The following FN3KRP variants were observed in gnomAD, a reference collection of about 807,000 sequenced individuals.
FN3KRP encodes the protein fructosamine 3 kinase related protein, also known as ketosamine-3-kinase.
FN3KRP carries 33 observed loss-of-function variants against 29.8 expected under a neutral mutation model. The observed-to-expected ratio is 1.11, with a 90% CI of 0.84 to 1.48. The LOEUF is 1.48. Among genes scored for constraint, FN3KRP ranks in the 40% most tolerant of loss-of-function variants. The pLI, the probability that FN3KRP is intolerant of heterozygous loss-of-function variation, is 0.00. For synonymous variants in FN3KRP, 157 were observed against 155.2 expected (o/e 1.01, Z -0.09); for missense variants, 430 against 402.6 (o/e 1.07, Z -0.58).
intron 4 of FN3KRP, among the ~76,000 whole-genome samples, chr17:82,724,256 T>C (rs970218329): frequency 6.6e-6 from 1 of 152,102 alleles, no homozygotes; most frequent in Admixed American, 6.5e-5. Flanking sequence ...ATTGCACCAC[T>C]GCACTCCAGC....
chr17:82,717,501 C>T (rs1413301609), intron 1 of FN3KRP, among the ~76,000 whole-genome samples: 1 of 151,922 alleles, frequency 6.6e-6, no homozygotes, highest in African/African-American at 2.4e-5. Context: ...GGGTGGAGCG[C>T]GAAGTCAGGA....
rs762220708 is a variant in FN3KRP at position 82,716,927 on chromosome 17, C to A, written c.141+31C>A. ...GCAGCGGGTCGGGCGGGCCGGGGGACCGGTTTCTTTCCGGAGAGGGTCGCG... is the reference window on the plus strand; with the variant it reads ...GCAGCGGGTCGGGCGGGCCGGGGGAACGGTTTCTTTCCGGAGAGGGTCGCG... On this transcript the variant is annotated intron_variant, in intron 1 of 5. Coordinates refer to ENST00000269373, the MANE Select transcript of FN3KRP (RefSeq NM_024619.4). 5.1e-6 allele frequency: 8 copies of A among 1,558,728 alleles called. No individual in the cohort carries two copies. In the African/African-American group the frequency reaches 1.1e-4, roughly 22 times the overall value.
chr17:82,719,131 T>C (rs1598332440), intron 2 of FN3KRP, 74 bp downstream of exon 2: 1 of 1,355,812 alleles, frequency 7.4e-7, no homozygotes, highest in East Asian at 2.3e-5. Context: ...TTTTATTATG[T>C]GTGTCTTCAC....
intron 2 of FN3KRP, 99 bp downstream of exon 2, chr17:82,719,156 G>GGCT: frequency 8.5e-7 from 1 of 1,173,024 alleles, no homozygotes; most frequent in Non-Finnish European, 1.2e-6. Context: ...CCCACTGGCT[G>GGCT]GCTTTATTAT....
In FN3KRP at chr17:82,720,335, G is replaced by C. The variant is rs1442715536; in HGVS notation, c.357G>C (p.Glu119Asp). ...ACCTTGATAACAAGAAGCTTGGAGAGATGCGCCTGAAGGAGGCGGGCACAG... is the reference window on the plus strand; with the variant it reads ...ACCTTGATAACAAGAAGCTTGGAGACATGCGCCTGAAGGAGGCGGGCACAG... ...DLHLDNKKLG[E>D]MRLKEAGTVG... The change falls in exon 3 of 6, where the codon GAG becomes GAC. Residue 119 changes from glutamate to aspartate, a missense_variant. Coordinates refer to ENST00000269373, the MANE Select transcript of FN3KRP (RefSeq NM_024619.4). The C allele has an allele frequency of 6.2e-7, 1 of 1,613,920 alleles. No homozygotes were observed. Among genetic ancestry groups the C allele is most frequent in the Non-Finnish European group, 8.5e-7 (1 of 1,180,002 alleles).
At chr17:82,716,926 A>T in intron 1 of FN3KRP, 30 bp downstream of exon 1, 1 of 1,558,802 alleles carries the variant, frequency 6.4e-7, no homozygotes, top group Non-Finnish European at 8.6e-7. Flanking sequence ...GGGCCGGGGG[A>T]CCGGTTTCTT....
chr17:82,720,188 C>A, intron 2 of FN3KRP, 84 bp from the exon 3 acceptor site: 2 of 1,122,792 alleles, frequency 1.8e-6, no homozygotes, highest in South Asian at 1.3e-5. Flanking sequence ...AAGTTTGACC[C>A]TCTTTATGTG....
intron 2 of FN3KRP, among the ~76,000 whole-genome samples, chr17:82,719,874 C>T (rs905888349): frequency 3.3e-5 from 5 of 152,116 alleles, no homozygotes; most frequent in African/African-American, 1.2e-4. Flanking sequence ...TCAAAATGTC[C>T]GACCTACTAG....
chr17:82,725,644 C>T (rs1598335788), intron 4 of FN3KRP, among the ~76,000 whole-genome samples: 1 of 152,182 alleles, frequency 6.6e-6, no homozygotes, highest in Non-Finnish European at 1.5e-5. Flanking sequence ...CAAGCATGAG[C>T]CACCACACCT....
chr17:82,723,990 A>G (rs956697803), intron 4 of FN3KRP, among the ~76,000 whole-genome samples: 1 of 151,740 alleles, frequency 6.6e-6, no homozygotes, highest in African/African-American at 2.4e-5. Flanking sequence ...GCAGCAAAAA[A>G]AAAATTTTTT....
chr17:82,719,008 G>A lies in FN3KRP; in HGVS notation c.244G>A (p.Gly82Ser), dbSNP rs373633086. The change falls in exon 2 of 6, where the codon GGC (glycine) becomes AGC (serine). Residue 82 changes from glycine (G) to serine (S), a missense_variant. Physicochemically the swap from Gly to Ser is moderately conservative, Grantham distance 56. Coordinates refer to ENST00000269373, the MANE Select transcript of FN3KRP (RefSeq NM_024619.4). ...CATCAAGGTTCTGGATGCCCCAGGCGGCGGGAGCGTGCTGGTGATGGAGCA... is the reference window on the plus strand; with the variant it reads ...CATCAAGGTTCTGGATGCCCCAGGCAGCGGGAGCGTGCTGGTGATGGAGCA... ...KPIKVLDAPG[G>S]GSVLVMEHMD... 36 of 1,614,064 alleles carry A rather than the reference G, an allele frequency of 2.2e-5. 1 individual carries two copies. In the South Asian group the frequency reaches 2.7e-4, roughly 12 times the overall value.
At position 82,727,936 on chromosome 17, in the gene FN3KRP, GAC is replaced by G. The variant is rs1351792203; in HGVS notation, c.*767_*768del. ...CCTTCCTTCACTGTTGTAGTAAAGA[GAC>G]ATATTTCATGAATGGCATTGATGCT... On this transcript the variant is annotated 3_prime_UTR_variant, in exon 6 of 6. Coordinates refer to ENST00000269373, the MANE Select transcript of FN3KRP (RefSeq NM_024619.4). 2.6e-5 allele frequency: 4 copies of G among 152,188 alleles called. 1 individual carries two copies. The highest frequency in any genetic ancestry group is 2.0e-4 in the Admixed American group (3 of 15,276). The allele number at this position is 152,188 out of a possible 1,614,324, so 9.4% of individuals were successfully genotyped here.
At chr17:82,718,536 G>C (rs566124361) in intron 1 of FN3KRP, 1 of 1,029,702 alleles carries the variant, frequency 9.7e-7, no homozygotes, top group Admixed American at 5.0e-5. Flanking sequence ...GGTGGAACAG[G>C]ACTGCAGTTG....
In FN3KRP at chr17:82,727,456, CTG is replaced by C. The variant is rs771337712; in HGVS notation, c.*287_*288del. On this transcript the variant is annotated 3_prime_UTR_variant, in exon 6 of 6. Transcript: ENST00000269373. ...TCACTGCTGCTGCAAGGTGGGGAAA[CTG>C]TAAGTGAACCCCTGTGGGTGCGGGG... 9.2e-6 allele frequency: 3 copies of C among 326,464 alleles called. No individual in the cohort carries two copies. The allele number at this position is 326,464 out of a possible 1,614,324, so 20.2% of individuals were successfully genotyped here.
In FN3KRP at chr17:82,718,621, G is replaced by A. The variant is rs2046776445; in HGVS notation, c.142-285G>A. On this transcript the variant is annotated intron_variant, in intron 1 of 5. Coordinates refer to ENST00000269373, the MANE Select transcript of FN3KRP (RefSeq NM_024619.4). ...GTTGCCGGATCTTAGTGGAATATTA[G>A]TGCCTTCGATTTTCCTCTCTCCAGA... is the stretch of plus-strand genomic sequence containing the variant. The A allele has an allele frequency of 1.1e-5, 13 of 1,174,280 alleles. No homozygotes were observed. In the South Asian group the frequency reaches 3.2e-4, roughly 29 times the overall value. The allele number at this position is 1,174,280 out of a possible 1,614,324, so 72.7% of individuals were successfully genotyped here. A position where few individuals can be genotyped will look rare whatever the true frequency, so the allele number is the denominator to read the frequency against.
At chr17:82,726,349 C>A in intron 4 of FN3KRP, 131 bp from the exon 5 acceptor site, 1 of 1,123,652 alleles carries the variant, frequency 8.9e-7, no homozygotes, top group Non-Finnish European at 1.3e-6. Context: ...CCCCCTCAGG[C>A]TCCTGTGACT....
At chr17:82,718,798 A>G (rs947359409) in intron 1 of FN3KRP, 108 bp from the exon 2 acceptor site, 150 of 1,362,406 alleles carry the variant, frequency 1.1e-4, no homozygotes, top group Non-Finnish European at 1.4e-4. Flanking sequence ...CTCAGTCAGG[A>G]TAGTCTTGGT....
chr17:82,719,453 T>C (rs577467552), intron 2 of FN3KRP, among the ~76,000 whole-genome samples: 2 of 152,404 alleles, frequency 1.3e-5, no homozygotes, highest in South Asian at 4.1e-4. Context: ...AGTGAGATGC[T>C]GACCAAAGGC....
chr17:82,720,467 TG>T, intron 3 of FN3KRP, 104 bp downstream of exon 3: 1 of 811,162 alleles, frequency 1.2e-6, no homozygotes, highest in Non-Finnish European at 1.9e-6. Context: ...GGGTCGGACG[TG>T]GGCTGATGGC....
Sources: allele counts gnomAD v4.1 joint callset (sites outside exome capture counted in the v4.1 genomes callset), GRCh38; gene constraint gnomAD v4.1.1; transcripts MANE v1.5; gene names NCBI Gene and HGNC (gene_info 2026-07-23, HGNC 2026-07-21).